The following EEFSEC variants were observed in gnomAD, a reference collection of about 807,000 sequenced individuals.
The protein encoded by EEFSEC is selenocysteine-specific elongation factor.
EEFSEC carries 43 observed loss-of-function variants against 42.1 expected under a neutral mutation model. The observed-to-expected ratio is 1.02, with a 90% CI of 0.80 to 1.32. The LOEUF (loss-of-function observed/expected upper bound fraction) is 1.32, where lower values mean the gene tolerates loss of function less well. Ranked by LOEUF, EEFSEC falls within the 40% of genes most tolerant of loss-of-function variation. The probability of loss-of-function intolerance (pLI) is 0.00; values close to 1 mark genes in which losing one functional copy is unlikely to be tolerated. For synonymous variants in EEFSEC, 354 were observed against 339.1 expected (o/e 1.04, Z -0.48); for missense variants, 745 against 803.6 (o/e 0.93, Z 0.88).
chr3:128,198,935 G>A (rs767575432), intron 1 of EEFSEC, among the ~76,000 whole-genome samples: 6 of 151,986 alleles, frequency 3.9e-5, no homozygotes, highest in African/African-American at 7.3e-5. Flanking sequence ...AGGTTCAAGC[G>A]ATTTTCTTGC....
chr3:128,399,188 A>G (rs1463766572), intron 6 of EEFSEC, among the ~76,000 whole-genome samples: 1 of 152,234 alleles, frequency 6.6e-6, no homozygotes, highest in Non-Finnish European at 1.5e-5. Context: ...TGACTGCATG[A>G]TAATTTCAAT....
chr3:128,156,539 G>A (rs1255817408), intron 1 of EEFSEC, among the ~76,000 whole-genome samples: 1 of 152,174 alleles, frequency 6.6e-6, no homozygotes, highest in Non-Finnish European at 1.5e-5. Context: ...CCATCCAACA[G>A]CATTGCTTAC....
intron 1 of EEFSEC, among the ~76,000 whole-genome samples, chr3:128,231,749 T>A (rs2065960912): frequency 6.6e-6 from 1 of 152,076 alleles, no homozygotes; most frequent in Non-Finnish European, 1.5e-5. Context: ...TAGGGCCTGT[T>A]GTTCCTGGTT....
chr3:128,282,962 TG>T (rs1185404186), intron 4 of EEFSEC, among the ~76,000 whole-genome samples: 1 of 152,254 alleles, frequency 6.6e-6, no homozygotes, highest in African/African-American at 2.4e-5. Flanking sequence ...TCCCTACAAC[TG>T]TGCCTCCCTT....
intron 6 of EEFSEC, among the ~76,000 whole-genome samples, chr3:128,403,148 C>T (rs563020943): frequency 1.3e-5 from 2 of 152,286 alleles, no homozygotes; most frequent in Admixed American, 1.3e-4. Flanking sequence ...CCTGCAGCTG[C>T]CGGAGCTCCC....
intron 6 of EEFSEC, among the ~76,000 whole-genome samples, chr3:128,370,542 C>T (rs890308756): frequency 1.3e-5 from 2 of 152,184 alleles, no homozygotes; most frequent in Admixed American, 1.3e-4. Context: ...TATCCTACCC[C>T]TCTCCCATAT....
intron 1 of EEFSEC, among the ~76,000 whole-genome samples, chr3:128,217,332 G>A (rs1021671191): frequency 6.6e-6 from 1 of 152,150 alleles, no homozygotes; most frequent in African/African-American, 2.4e-5. Flanking sequence ...CTGCCATAAA[G>A]CCCTGGTTCA....
At chr3:128,166,225 C>T (rs1471408790) in intron 1 of EEFSEC, among the ~76,000 whole-genome samples, 2 of 152,194 alleles carry the variant, frequency 1.3e-5, no homozygotes, top group African/African-American at 4.8e-5. Context: ...TTCCCATCAG[C>T]ACCCAGCCCT....
rs2067486476 is a variant in EEFSEC at position 128,358,524 on chromosome 3, C to T, written c.1600+151C>T. The T allele has an allele frequency of 1.9e-5, 22 of 1,142,178 alleles. No homozygotes were observed. In the East Asian group the frequency reaches 5.6e-4, roughly 29 times the overall value. 70.8% of individuals were successfully genotyped at this position (1,142,178 alleles called of 1,614,324 possible). A position where few individuals can be genotyped will look rare whatever the true frequency, so the allele number is the denominator to read the frequency against. ...GACTTGGCCTGCCTGGCAGCATGGC[C>T]TCTGGCTGGGAAGCCAGTATGGGTT... On this transcript the variant is annotated intron_variant, in intron 6 of 6. Transcript: ENST00000254730.
chr3:128,407,564 C>G (rs2068132299), intron 6 of EEFSEC, among the ~76,000 whole-genome samples: 1 of 152,182 alleles, frequency 6.6e-6, no homozygotes, highest in Non-Finnish European at 1.5e-5. Flanking sequence ...CAGGTCCTGC[C>G]TGCCAAAGGG....
intron 4 of EEFSEC, among the ~76,000 whole-genome samples, chr3:128,281,614 C>T (rs1483505775): frequency 6.6e-6 from 1 of 152,050 alleles, no homozygotes; most frequent in East Asian, 1.9e-4. Flanking sequence ...AGAGTTTCAC[C>T]AGGATGGGGT....
At chr3:128,291,405 AT>A (rs1427475580) in intron 4 of EEFSEC, among the ~76,000 whole-genome samples, 1 of 152,186 alleles carries the variant, frequency 6.6e-6, no homozygotes, top group Non-Finnish European at 1.5e-5. Context: ...TAATACTGTT[AT>A]CCCTTTCTTG....
At chr3:128,262,583 C>T (rs968519481) in intron 3 of EEFSEC, among the ~76,000 whole-genome samples, 3 of 152,202 alleles carry the variant, frequency 2.0e-5, no homozygotes, top group Admixed American at 2.0e-4. Context: ...CCATTCCAGT[C>T]CTTCAGACTG....
chr3:128,186,320 A>C (rs1395760172), intron 1 of EEFSEC, among the ~76,000 whole-genome samples: 1 of 152,190 alleles, frequency 6.6e-6, no homozygotes, highest in African/African-American at 2.4e-5. Context: ...TATATTCTAG[A>C]TAGTTCCTTA....
At chr3:128,422,467 C>G in the EEFSEC span, among the ~76,000 whole-genome samples, 54,042 of 152,110 alleles carry the variant, frequency 0.36, 12,555 homozygotes, top group African/African-American at 0.66. Context: ...TGGTTTCCCA[C>G]ATGGGCCCTT....
chr3:128,181,287 C>A (rs911240071), intron 1 of EEFSEC, among the ~76,000 whole-genome samples: 6 of 152,236 alleles, frequency 3.9e-5, no homozygotes, highest in African/African-American at 1.4e-4. Context: ...TGTTCCCATT[C>A]CCAAATCCTT....
At chr3:128,269,524 G>A (rs1294340095) in intron 4 of EEFSEC, among the ~76,000 whole-genome samples, 1 of 152,230 alleles carries the variant, frequency 6.6e-6, no homozygotes, top group Non-Finnish European at 1.5e-5. Flanking sequence ...TGACATCCCT[G>A]TCAGATTTCA....
intron 1 of EEFSEC, among the ~76,000 whole-genome samples, chr3:128,182,730 C>T (rs1002148250): frequency 3.9e-5 from 6 of 152,130 alleles, no homozygotes; most frequent in African/African-American, 1.4e-4. Context: ...ACCTGGGTGT[C>T]CTCACACCCA....
At chr3:128,340,209 C>T (rs933359547) in intron 4 of EEFSEC, among the ~76,000 whole-genome samples, 1 of 152,156 alleles carries the variant, frequency 6.6e-6, no homozygotes, top group Non-Finnish European at 1.5e-5. Context: ...TTCTGTGGGT[C>T]TTCACACAGC....
Sources: allele counts gnomAD v4.1 joint callset (sites outside exome capture counted in the v4.1 genomes callset), GRCh38; gene constraint gnomAD v4.1.1; transcripts MANE v1.5; gene names NCBI Gene and HGNC (gene_info 2026-07-23, HGNC 2026-07-21).